DCX: variants seen among roughly 807,000 people sequenced by gnomAD.
The protein encoded by DCX is doublecortin.
DCX carries 4 observed loss-of-function variants against 20.9 expected under a neutral mutation model. That is an observed-to-expected ratio of 0.19 (90% confidence interval 0.09 to 0.44). The LOEUF (loss-of-function observed/expected upper bound fraction) is 0.44. Ranked by LOEUF, DCX falls within the 20% of genes least tolerant of loss-of-function variation. The pLI, the probability that DCX is intolerant of heterozygous loss-of-function variation, is 0.99. For synonymous variants in DCX, 103 were observed against 111.4 expected (o/e 0.92, Z 0.47); for missense variants, 133 against 296.9 (o/e 0.45, Z 4.06).
rs1207746250 is a variant in DCX, at chrX:111,301,387, G to A, written c.*300C>T. ...CAAAATTAGACAGGGCAAATATAAC[G>A]CAGGCACCTAAGCTTTCCATTGAAA... is the stretch of plus-strand genomic sequence containing the variant. On this transcript the variant is annotated 3_prime_UTR_variant, in exon 7 of 7. Coordinates refer to ENST00000636035, the MANE Select transcript of DCX (RefSeq NM_001195553.2). 2 of 350,720 alleles carry A rather than the reference G, an allele frequency of 5.7e-6. No individual in the cohort carries two copies. Among genetic ancestry groups the A allele is most frequent in the South Asian group, 4.6e-5 (1 of 21,850 alleles). The allele number at this position is 350,720 out of a possible 1,213,427, so 28.9% of individuals were successfully genotyped here.
At chrX:111,369,337 T>C (rs1456095924) in intron 3 of DCX, among the ~76,000 whole-genome samples, 1 of 111,407 alleles carries the variant, frequency 9.0e-6, no homozygotes, top group Non-Finnish European at 1.9e-5. Context: ...CACTATACAA[T>C]TCACTTATGA....
rs1019013368 is a variant in DCX, at chrX:111,410,656, G to T, written c.-22-236C>A. 6.3e-6 allele frequency: 6 copies of T among 951,655 alleles called. No individual in the cohort carries two copies. In the African/African-American group the frequency reaches 1.2e-4, roughly 19 times the overall value. The allele number at this position is 951,655 out of a possible 1,213,427, so 78.4% of individuals were successfully genotyped here. ...TGGGCGGGGGTGCTGGTGGTTGTGG[G>T]GGTTGGGAGTAAGAGATAGAGAGGG... On this transcript the variant is annotated intron_variant, in intron 1 of 6. Coordinates refer to ENST00000636035, the MANE Select transcript of DCX (RefSeq NM_001195553.2).
chrX:111,338,475 C>T (rs1921927662), intron 3 of DCX, among the ~76,000 whole-genome samples: 1 of 111,481 alleles, frequency 9.0e-6, no homozygotes, highest in African/African-American at 3.3e-5. Context: ...TACTGCTACT[C>T]GTATTTTGGA....
At chrX:111,335,461 A>C (rs1015579683) in intron 3 of DCX, among the ~76,000 whole-genome samples, 1 of 112,538 alleles carries the variant, frequency 8.9e-6, no homozygotes, top group African/African-American at 3.2e-5. Context: ...GGATACACAA[A>C]GACAGAAAAG....
intron 5 of DCX, among the ~76,000 whole-genome samples, chrX:111,314,020 T>C (rs1417780830): frequency 9.0e-6 from 1 of 111,672 alleles, no homozygotes. Context: ...AACTGCTGTA[T>C]CATGAATATT....
At position 111,318,981 on chromosome X, in the gene DCX, G is replaced by T. The variant is rs182473176; in HGVS notation, c.947-6245C>A. 5.3e-5 allele frequency among the ~76,000 whole-genome samples: 6 copies of T among 112,281 alleles called. No homozygotes were observed. The Admixed American group carries it at 5.7e-4, about 11-fold the overall frequency. ...AAAAAAATGCACCAGCAGGGACAAA[G>T]ATATGAATGTGTGAGAGAATACATT... On this transcript the variant is annotated intron_variant, in intron 5 of 6. Transcript: ENST00000636035.
intron 2 of DCX, among the ~76,000 whole-genome samples, chrX:111,407,839 T>C (rs867044045): frequency 2.2e-4 from 16 of 74,294 alleles, no homozygotes; most frequent in East Asian, 9.4e-4. Flanking sequence ...CACACACACA[T>C]ATCTAGGGAG....
intron 3 of DCX, among the ~76,000 whole-genome samples, chrX:111,371,499 T>A (rs1417523065): frequency 3.6e-5 from 4 of 111,750 alleles, no homozygotes; most frequent in Non-Finnish European, 7.5e-5. Context: ...AGGTAACCTG[T>A]GAAAATCTCA....
chrX:111,349,311 CTGT>C (rs1923120580), intron 3 of DCX, among the ~76,000 whole-genome samples: 1 of 111,468 alleles, frequency 9.0e-6, no homozygotes. Flanking sequence ...AGAGGCTTAA[CTGT>C]ACCCCCCTTC....
At chrX:111,314,040 T>C (rs1297103587) in intron 5 of DCX, among the ~76,000 whole-genome samples, 1 of 111,961 alleles carries the variant, frequency 8.9e-6, no homozygotes, top group Non-Finnish European at 1.9e-5. Flanking sequence ...TTCCTGAGGA[T>C]ACATTCCTTC....
At chrX:111,317,432 G>A (rs367603208) in intron 5 of DCX, among the ~76,000 whole-genome samples, 146 of 110,587 alleles carry the variant, frequency 1.3e-3, no homozygotes, top group Non-Finnish European at 2.2e-3. Flanking sequence ...AACTCAAGGC[G>A]GATCAAAGAC....
At chrX:111,353,093 G>A (rs1385609946) in intron 3 of DCX, among the ~76,000 whole-genome samples, 1 of 111,914 alleles carries the variant, frequency 8.9e-6, no homozygotes, top group Non-Finnish European at 1.9e-5. Context: ...CTAGAAAGGA[G>A]TATAAAGGAG....
intron 3 of DCX, among the ~76,000 whole-genome samples, chrX:111,362,677 C>G (rs1405565577): frequency 1.8e-5 from 2 of 111,509 alleles, no homozygotes; most frequent in Non-Finnish European, 3.8e-5. Context: ...GGGCTAGAGA[C>G]AGCCTTATGC....
rs545812123 is a variant in DCX, at chrX:111,397,035, C to G, written c.705+3955G>C. Reference sequence around the variant, plus strand: ...TAGAAAGATCAAGGGCTCTAAAAGACACATTCAAACAAAATAAAAACAGAG... The same window carrying G: ...TAGAAAGATCAAGGGCTCTAAAAGAGACATTCAAACAAAATAAAAACAGAG... On this transcript the variant is annotated intron_variant, in intron 3 of 6. Coordinates refer to ENST00000636035, the MANE Select transcript of DCX (RefSeq NM_001195553.2). Among the ~76,000 whole-genome samples the G allele has an allele frequency of 1.5e-4, 17 of 111,527 alleles. No individual in the cohort carries two copies. In the South Asian group the frequency reaches 6.1e-3, roughly 40 times the overall value.
intron 3 of DCX, among the ~76,000 whole-genome samples, chrX:111,387,225 T>C (rs1403117297): frequency 9.0e-6 from 1 of 111,602 alleles, no homozygotes; most frequent in Non-Finnish European, 1.9e-5. Context: ...ATGAAAAGGG[T>C]TTAATTTCTT....
chrX:111,365,882 G>T (rs1477160791), intron 3 of DCX, among the ~76,000 whole-genome samples: 1 of 110,630 alleles, frequency 9.0e-6, no homozygotes, highest in Non-Finnish European at 1.9e-5. Context: ...GACATTTTTG[G>T]GTCAGCTCAC....
intron 5 of DCX, among the ~76,000 whole-genome samples, chrX:111,314,478 A>T (rs764629601): frequency 8.9e-6 from 1 of 112,020 alleles, no homozygotes; most frequent in South Asian, 3.8e-4. Flanking sequence ...AGAAATCTTG[A>T]AAGATGAATC....
At chrX:111,353,879 C>T (rs1330298902) in intron 3 of DCX, among the ~76,000 whole-genome samples, 2 of 111,793 alleles carry the variant, frequency 1.8e-5, no homozygotes, top group East Asian at 5.6e-4. Flanking sequence ...ATCTGACCTA[C>T]ATTTAATAGT....
At chrX:111,309,402 C>T (rs1326995418) in intron 6 of DCX, among the ~76,000 whole-genome samples, 1 of 112,261 alleles carries the variant, frequency 8.9e-6, no homozygotes, top group Non-Finnish European at 1.9e-5. Context: ...TCTGCTCAGG[C>T]CTGCTGCCCA....
Sources: allele counts gnomAD v4.1 joint callset (sites outside exome capture counted in the v4.1 genomes callset), GRCh38; gene constraint gnomAD v4.1.1; transcripts MANE v1.5; gene names NCBI Gene and HGNC (gene_info 2026-07-23, HGNC 2026-07-21).